SLC43A3: variants seen among roughly 807,000 people sequenced by gnomAD.
SLC43A3 encodes the protein equilibrative nucleobase transporter 1.
A neutral mutation model predicts 53.3 loss-of-function variants in SLC43A3; 33 were observed. The observed-to-expected ratio is 0.62, with a 90% CI of 0.47 to 0.83. The LOEUF is 0.83. Ranked by LOEUF, SLC43A3 falls within the 40% of genes least tolerant of loss-of-function variation. SLC43A3 has a pLI of 0.00. For missense variants in SLC43A3, 530 were observed against 610.0 expected, an observed-to-expected ratio of 0.87 and a Z score of 1.38; for synonymous variants, 236 against 246.2, an observed-to-expected ratio of 0.96 and a Z score of 0.39.
At chr11:57,424,174 C>CCCAGGCTCAAAA (rs1943106065) in intron 4 of SLC43A3, 146 bp from the exon 5 acceptor site, 1 of 757,422 alleles carries the variant, frequency 1.3e-6, no homozygotes, top group Non-Finnish European at 2.2e-6. Flanking sequence ...GCCTCTGAGC[C>CCCAGGCTCAAAA]CCAGGCTCAA....
intron 5 of SLC43A3, among the ~76,000 whole-genome samples, chr11:57,423,018 T>C (rs1943054938): frequency 6.6e-6 from 1 of 152,204 alleles, no homozygotes; most frequent in Admixed American, 6.5e-5. Context: ...GCCACGGGTC[T>C]AACACTAGGA....
At chr11:57,419,808 A>AG (rs1942905407) in intron 7 of SLC43A3, among the ~76,000 whole-genome samples, 1 of 98,092 alleles carries the variant, frequency 1.0e-5, no homozygotes, top group South Asian at 4.6e-4. Flanking sequence ...TAATAAAAAA[A>AG]AAAAAAAAAG....
Position 57,427,017 on chromosome 11 carries a change from G to A in SLC43A3, c.-246+45C>T, listed in dbSNP as rs1262757638. The A allele has an allele frequency of 3.3e-5, 5 of 152,236 alleles. No individual in the cohort carries two copies. In the East Asian group the frequency reaches 9.7e-4, roughly 29 times the overall value. The allele number at this position is 152,236 out of a possible 1,614,324, so 9.4% of individuals were successfully genotyped here. A position where few individuals can be genotyped will look rare whatever the true frequency, so the allele number is the denominator to read the frequency against. ...GCAGAGGAGCCCGAGGGGCCAGGCCGCGCTCGGCGCCCCATGGCGCCCGAA... is the reference window on the plus strand; with the variant it reads ...GCAGAGGAGCCCGAGGGGCCAGGCCACGCTCGGCGCCCCATGGCGCCCGAA... On this transcript the variant is annotated intron_variant, in intron 1 of 13. Transcript: ENST00000395124.
chr11:57,414,103 C>T (rs1226468183), intron 11 of SLC43A3, among the ~76,000 whole-genome samples: 1 of 152,238 alleles, frequency 6.6e-6, no homozygotes, highest in Non-Finnish European at 1.5e-5. Context: ...AAAAAGAACA[C>T]ATCTATCTTG....
intron 8 of SLC43A3, 97 bp from the exon 9 acceptor site, chr11:57,416,767 C>T (rs1329496710): frequency 4.3e-6 from 4 of 933,630 alleles, no homozygotes; most frequent in Non-Finnish European, 6.8e-6. Context: ...CACATTCCAC[C>T]GCACTTTGGA....
intron 7 of SLC43A3, 50 bp from the exon 8 acceptor site, chr11:57,417,937 C>T: frequency 6.3e-7 from 1 of 1,578,308 alleles, no homozygotes; most frequent in Non-Finnish European, 8.7e-7. Context: ...TTCATAGCAG[C>T]ACTATTCACA....
In SLC43A3 at chr11:57,417,763, G is replaced by A. The variant is rs201681816; in HGVS notation, c.656C>T (p.Pro219Leu). The change falls in exon 8 of 14, where the codon CCC becomes CTC. Residue 219 changes from proline (P) to leucine (L), a missense_variant. Pro to Leu is a moderately conservative substitution (Grantham distance 98). Around this residue, in one of 3 missense-constraint regions of SLC43A3, gnomAD observed 376 missense variants for 386.7 expected, o/e 0.97. Transcript: ENST00000395124. Reference sequence around the variant, plus strand: ...TAGTCCTTACCCATAGCTGTAGTTGGGGGGCAGTGGGTATGGGATGTGCCC... The same window carrying A: ...TAGTCCTTACCCATAGCTGTAGTTGAGGGGCAGTGGGTATGGGATGTGCCC... ...PRGHIPYPLP[P>L]NYSYGLCPGN... 2.5e-6 allele frequency: 4 copies of A among 1,614,144 alleles called. No homozygotes were observed. Among genetic ancestry groups the A allele is most frequent in the Non-Finnish European group, 8.5e-7 (1 of 1,180,020 alleles).
At chr11:57,423,945 G>A (rs769381554) in intron 5 of SLC43A3, 37 bp downstream of exon 5, 1 of 1,609,670 alleles carries the variant, frequency 6.2e-7, no homozygotes, top group South Asian at 1.1e-5. Context: ...AGGTGCCTCT[G>A]AGCTTGCATC....
chr11:57,424,569 T>C (rs911172280), intron 4 of SLC43A3, among the ~76,000 whole-genome samples: 10 of 151,548 alleles, frequency 6.6e-5, no homozygotes. Context: ...AGTCCCAAGG[T>C]TATCAGGCTC....
intron 12 of SLC43A3, 122 bp from the exon 13 acceptor site, chr11:57,409,420 A>G: frequency 9.1e-7 from 1 of 1,103,456 alleles, no homozygotes; most frequent in East Asian, 2.5e-5. Flanking sequence ...CCTGCCCTCC[A>G]ACCACACCTG....
intron 8 of SLC43A3, 75 bp from the exon 9 acceptor site, chr11:57,416,745 C>T (rs4938865): frequency 0.99 from 1,151,098 of 1,158,708 alleles, 572,078 homozygotes; most frequent in East Asian, 1. Context: ...GAGGGAATAG[C>T]ATGGTGAATC....
Position 57,421,203 on chromosome 11 carries a change from C to T in SLC43A3, c.438+94G>A, listed in dbSNP as rs1942970759. ...AGCTCCCACCTCAGCTTGGGCCAAC[C>T]CCATCTGAGGCAGCCAATTATAGAA... On this transcript the variant is annotated intron_variant, in intron 6 of 13. Transcript: ENST00000395124. The T allele has an allele frequency of 4.6e-6, 6 of 1,311,752 alleles. No individual in the cohort carries two copies. In the East Asian group the frequency reaches 1.4e-4, roughly 31 times the overall value. The allele number at this position is 1,311,752 out of a possible 1,614,324, so 81.3% of individuals were successfully genotyped here. A position where few individuals can be genotyped will look rare whatever the true frequency, so the allele number is the denominator to read the frequency against.
At chr11:57,412,817 A>G (rs183236541) in intron 11 of SLC43A3, among the ~76,000 whole-genome samples, 178 of 152,178 alleles carry the variant, frequency 1.2e-3, no homozygotes, top group African/African-American at 3.9e-3. Flanking sequence ...CAAAAAAAAA[A>G]AAAGAAAGAA....
At chr11:57,410,894 T>C (rs1225152968) in intron 11 of SLC43A3, among the ~76,000 whole-genome samples, 1 of 152,184 alleles carries the variant, frequency 6.6e-6, no homozygotes, top group African/African-American at 2.4e-5. Flanking sequence ...TTTCCACTTT[T>C]GATTCTTCCT....
chr11:57,422,404 A>G (rs1943029944), intron 5 of SLC43A3, among the ~76,000 whole-genome samples: 2 of 152,228 alleles, frequency 1.3e-5, no homozygotes, highest in Non-Finnish European at 2.9e-5. Flanking sequence ...CTTTCATGAA[A>G]TCAGAAGGAC....
rs151188627 is a variant in SLC43A3 at position 57,426,603 on chromosome 11, G to A, written c.-196C>T. 661 of 159,254 alleles carry A rather than the reference G, an allele frequency of 4.2e-3. 5 individuals are homozygous for A. The highest frequency in any genetic ancestry group is 0.015 in the African/African-American group (642 of 41,712). 9.9% of individuals were successfully genotyped at this position (159,254 alleles called of 1,614,324 possible). On this transcript the variant is annotated 5_prime_UTR_variant, in exon 2 of 14. Coordinates refer to ENST00000395124, the MANE Select transcript of SLC43A3 (RefSeq NM_199329.3). ...AACGACTTACCCAATAGCTCCCCGG[G>A]AGCAGGTGGAGAAGCGGAGCTCCTG... is the stretch of plus-strand genomic sequence containing the variant.
rs923483996 is a variant in SLC43A3 at position 57,425,768 on chromosome 11, A to C, written c.185-98T>G. 55 of 1,557,368 alleles carry C rather than the reference A, an allele frequency of 3.5e-5. No homozygotes were observed. In the African/African-American group the frequency reaches 6.1e-4, roughly 17 times the overall value. On this transcript the variant is annotated intron_variant, in intron 3 of 13. Transcript: ENST00000395124. ...CACCTCAGACAGCTTGTCGGTCGCA[A>C]ACTTGTCCCTTAAGCTGAGTTGAAA...
At chr11:57,419,595 C>G (rs1435546294) in intron 7 of SLC43A3, among the ~76,000 whole-genome samples, 1 of 152,038 alleles carries the variant, frequency 6.6e-6, no homozygotes, top group African/African-American at 2.4e-5. Flanking sequence ...GTCAAGAGTT[C>G]AAGACCAGCC....
chr11:57,420,938 G>T (rs762063615), intron 7 of SLC43A3, 34 bp downstream of exon 7: 2 of 1,376,674 alleles, frequency 1.5e-6, no homozygotes, highest in East Asian at 4.6e-5. Context: ...GCATATACAA[G>T]TGCCCAGTGA....
Sources: allele counts gnomAD v4.1 joint callset (sites outside exome capture counted in the v4.1 genomes callset), GRCh38; gene constraint gnomAD v4.1.1; regional missense constraint gnomAD v4.1.1; transcripts MANE v1.5; gene names NCBI Gene and HGNC (gene_info 2026-07-23, HGNC 2026-07-21).